GPR26: variants seen among roughly 807,000 people sequenced by gnomAD.
GPR26 encodes the protein G protein-coupled receptor 26.
Under a neutral mutation model 23.1 loss-of-function variants are expected in GPR26, and 15 were observed. That is an observed-to-expected ratio of 0.65 (90% CI 0.43 to 1.00). GPR26 has a LOEUF of 1.00. Ranked by LOEUF, GPR26 falls within the 50% of genes least tolerant of loss-of-function variation. The probability of loss-of-function intolerance (pLI) is 0.00; values close to 1 mark genes in which losing one functional copy is unlikely to be tolerated. For synonymous variants in GPR26, 228 were observed against 222.1 expected, an observed-to-expected ratio of 1.03 and a Z score of -0.24; for missense variants, 359 against 470.5, an observed-to-expected ratio of 0.76 and a Z score of 2.19.
chr10:123,682,179 C>G (rs1486916568), intron 2 of GPR26, among the ~76,000 whole-genome samples: 1 of 152,188 alleles, frequency 6.6e-6, no homozygotes, highest in African/African-American at 2.4e-5. Context: ...GTGAGTGAAG[C>G]AGGCATTTGA....
chr10:123,696,227 T>C lies in GPR26; in HGVS notation c.*8067T>C, dbSNP rs757434876. Among the ~76,000 whole-genome samples the C allele has an allele frequency of 5.3e-5, 8 of 152,144 alleles. No individual in the cohort carries two copies. Among genetic ancestry groups the C allele is most frequent in the Non-Finnish European group, 7.4e-5 (5 of 68,016 alleles). ...GTCCTTCTTCATGGAACACACTCAT[T>C]TCGCCACACGGAGGCTTTACTCTGC... is the stretch of plus-strand genomic sequence containing the variant. On this transcript the variant is annotated 3_prime_UTR_variant, in exon 3 of 3. Coordinates refer to ENST00000284674, the MANE Select transcript of GPR26 (RefSeq NM_153442.4).
intron 1 of GPR26, among the ~76,000 whole-genome samples, chr10:123,671,893 A>G (rs972518945): frequency 1.3e-5 from 2 of 152,224 alleles, no homozygotes; most frequent in African/African-American, 4.8e-5. Flanking sequence ...CAAGGAGCTC[A>G]GTTTTGCAAA....
Position 123,695,287 on chromosome 10 carries a change from G to A in GPR26, c.*7127G>A, listed in dbSNP as rs551947033. On this transcript the variant is annotated 3_prime_UTR_variant, in exon 3 of 3. Transcript: ENST00000284674. ...ACGATGTGTACCCCTTGGGGCATGC[G>A]TGTGTTCTTAGGAACACCAGCGTGT... is the stretch of plus-strand genomic sequence containing the variant. Among the ~76,000 whole-genome samples the A allele has an allele frequency of 2.6e-5, 4 of 152,284 alleles. No individual in the cohort carries two copies. Among genetic ancestry groups the A allele is most frequent in the South Asian group, 2.1e-4 (1 of 4,824 alleles).
rs1179784131 is a variant in GPR26, at chr10:123,688,711, G to A, written c.*551G>A. On this transcript the variant is annotated 3_prime_UTR_variant, in exon 3 of 3. Coordinates refer to ENST00000284674, the MANE Select transcript of GPR26 (RefSeq NM_153442.4). ...GTACTAACGACATTGTGCCCAGCTGGGACTCTTGGGCTCTGTGCCTGAGGG... is the reference window on the plus strand; with the variant it reads ...GTACTAACGACATTGTGCCCAGCTGAGACTCTTGGGCTCTGTGCCTGAGGG... 1 of 157,870 alleles carries A rather than the reference G, an allele frequency of 6.3e-6. No individual in the cohort carries two copies. Among genetic ancestry groups the A allele is most frequent in the African/African-American group, 2.4e-5 (1 of 41,476 alleles). The allele number at this position is 157,870 out of a possible 1,614,324, so 9.8% of individuals were successfully genotyped here.
In GPR26 at chr10:123,692,094, C is replaced by T. The variant is rs1185637772; in HGVS notation, c.*3934C>T. Reference sequence around the variant, plus strand: ...TGACCTCTCCATGAAATTGCAAAAACCCATCTTCATTCCTTTTTATGGGGC... The same window carrying T: ...TGACCTCTCCATGAAATTGCAAAAATCCATCTTCATTCCTTTTTATGGGGC... On this transcript the variant is annotated 3_prime_UTR_variant, in exon 3 of 3. Coordinates refer to ENST00000284674, the MANE Select transcript of GPR26 (RefSeq NM_153442.4). 6.6e-6 allele frequency: 1 copy of T among 152,230 alleles called. No individual in the cohort carries two copies. The highest frequency in any genetic ancestry group is 6.5e-5 in the Admixed American group (1 of 15,284). 9.4% of individuals were successfully genotyped at this position (152,230 alleles called of 1,614,324 possible).
chr10:123,673,921 CTCTTCT>C (rs10699563), intron 1 of GPR26, among the ~76,000 whole-genome samples: 17 of 150,164 alleles, frequency 1.1e-4, no homozygotes, highest in East Asian at 2.0e-4. Flanking sequence ...CTTCCTCTTC[CTCTTCT>C]TCTTCTTCTT....
chr10:123,668,968 A>G (rs1213771880), intron 1 of GPR26, among the ~76,000 whole-genome samples: 3 of 152,186 alleles, frequency 2.0e-5, no homozygotes, highest in African/African-American at 7.2e-5. Context: ...CCTCTGGCCG[A>G]TGTCAGGCCA....
In GPR26 at chr10:123,688,197, A is replaced by T. The variant is rs759266055; in HGVS notation, c.*37A>T. 2 of 677,778 alleles carry T rather than the reference A, an allele frequency of 3.0e-6. No individual in the cohort carries two copies. The highest frequency in any genetic ancestry group is 2.8e-5 in the South Asian group (2 of 72,652). The allele number at this position is 677,778 out of a possible 1,614,324, so 42.0% of individuals were successfully genotyped here. On this transcript the variant is annotated 3_prime_UTR_variant, in exon 3 of 3. Transcript: ENST00000284674. ...CCTGCTGAAGAGTTTAGAATGAGGC[A>T]GCGGTGAGAAGAAGGGTGGGAGGGC... is the stretch of plus-strand genomic sequence containing the variant.
intron 2 of GPR26, among the ~76,000 whole-genome samples, chr10:123,683,853 A>G (rs1368643889): frequency 6.6e-6 from 1 of 152,148 alleles, no homozygotes; most frequent in African/African-American, 2.4e-5. Flanking sequence ...TAAGTCAGAA[A>G]AATACACATC....
rs747616720 is a variant in GPR26 at position 123,687,990 on chromosome 10, T to C, written c.844T>C (p.Leu282=). Residue 282 remains leucine (L), a synonymous_variant, in exon 3 of 3, where the codon TTG becomes CTG. Transcript: ENST00000284674. ...GSHWGVLSKC[L]AYSKAASDPF... ...CCACTGGGGGGTGCTGTCCAAGTGC[T>C]TGGCGTACAGCAAGGCCGCATCCGA... The C allele has an allele frequency of 6.2e-7, 1 of 1,614,038 alleles. No individual in the cohort carries two copies. Among genetic ancestry groups the C allele is most frequent in the Non-Finnish European group, 8.5e-7 (1 of 1,179,948 alleles).
At chr10:123,669,403 C>T (rs1845225757) in intron 1 of GPR26, among the ~76,000 whole-genome samples, 1 of 152,224 alleles carries the variant, frequency 6.6e-6, no homozygotes. Flanking sequence ...TAAACTCTTC[C>T]TCCCTACAAA....
chr10:123,685,922 A>G (rs1415799162), intron 2 of GPR26, among the ~76,000 whole-genome samples: 1 of 152,232 alleles, frequency 6.6e-6, no homozygotes, highest in Admixed American at 6.5e-5. Flanking sequence ...GATTGTACAC[A>G]TAAGTGCTCG....
intron 1 of GPR26, among the ~76,000 whole-genome samples, chr10:123,671,342 C>T (rs889411452): frequency 6.6e-6 from 1 of 152,220 alleles, no homozygotes; most frequent in African/African-American, 2.4e-5. Flanking sequence ...GCTGGAGGGC[C>T]TGTCTCCTTT....
intron 1 of GPR26, among the ~76,000 whole-genome samples, chr10:123,667,561 CTGTG>C (rs71026066): frequency 0.27 from 33,474 of 124,788 alleles, 4,378 homozygotes; most frequent in Middle Eastern, 0.39. Flanking sequence ...TGTCTCACGA[CTGTG>C]TGTGTGTGTG....
intron 2 of GPR26, among the ~76,000 whole-genome samples, chr10:123,682,715 C>T (rs1378239082): frequency 3.3e-5 from 5 of 152,254 alleles, no homozygotes; most frequent in African/African-American, 1.2e-4. Context: ...GAAAATCTGA[C>T]AGCACCATTA....
chr10:123,668,762 G>T (rs1845217047), intron 1 of GPR26, among the ~76,000 whole-genome samples: 1 of 152,164 alleles, frequency 6.6e-6, no homozygotes, highest in African/African-American at 2.4e-5. Flanking sequence ...TTAACTCCCG[G>T]GACTAAAGAC....
At position 123,690,433 on chromosome 10, in the gene GPR26, G is replaced by A. The variant is rs997579046; in HGVS notation, c.*2273G>A. Reference sequence around the variant, plus strand: ...GGCACATGCTCTTTCTGCTTTCTCTGTACTGTATAGGCAACATGTTGTACT... The same window carrying A: ...GGCACATGCTCTTTCTGCTTTCTCTATACTGTATAGGCAACATGTTGTACT... On this transcript the variant is annotated 3_prime_UTR_variant, in exon 3 of 3. Transcript: ENST00000284674. 6 of 152,086 alleles carry A rather than the reference G, an allele frequency of 3.9e-5. No individual in the cohort carries two copies. The highest frequency in any genetic ancestry group is 1.4e-4 in the African/African-American group (6 of 41,386). The allele number at this position is 152,086 out of a possible 1,614,324, so 9.4% of individuals were successfully genotyped here. A position where few individuals can be genotyped will look rare whatever the true frequency, so the allele number is the denominator to read the frequency against.
At position 123,688,229 on chromosome 10, in the gene GPR26, G is replaced by C; in HGVS notation, c.*69G>C. On this transcript the variant is annotated 3_prime_UTR_variant, in exon 3 of 3. Coordinates refer to ENST00000284674, the MANE Select transcript of GPR26 (RefSeq NM_153442.4). ...AGAAGAAGGGTGGGAGGGCGTGGGG[G>C]CCCCTGGGTGGACACCACCAGCCAC... 1.1e-6 allele frequency: 1 copy of C among 878,374 alleles called. No individual in the cohort carries two copies. The highest frequency in any genetic ancestry group is 1.5e-5 in the South Asian group (1 of 67,566). 54.4% of individuals were successfully genotyped at this position (878,374 alleles called of 1,614,324 possible).
At position 123,696,041 on chromosome 10, in the gene GPR26, C is replaced by A. The variant is rs1256963526; in HGVS notation, c.*7881C>A. 2.6e-5 allele frequency among the ~76,000 whole-genome samples: 4 copies of A among 152,186 alleles called. No homozygotes were observed. Among genetic ancestry groups the A allele is most frequent in the African/African-American group, 4.8e-5 (2 of 41,436 alleles). ...ACCAGAATAGGCCAGATTTAATTTTCACAGGCTCATCTGGGAGAAGGATCA... is the reference window on the plus strand; with the variant it reads ...ACCAGAATAGGCCAGATTTAATTTTAACAGGCTCATCTGGGAGAAGGATCA... On this transcript the variant is annotated 3_prime_UTR_variant, in exon 3 of 3. Transcript: ENST00000284674.
Sources: allele counts gnomAD v4.1 joint callset (sites outside exome capture counted in the v4.1 genomes callset), GRCh38; gene constraint gnomAD v4.1.1; transcripts MANE v1.5; gene names NCBI Gene and HGNC (gene_info 2026-07-23, HGNC 2026-07-21).